The following RUNX2 variants were observed in gnomAD, a reference collection of about 807,000 sequenced individuals.
The protein encoded by RUNX2 is runt-related transcription factor 2.
A neutral mutation model predicts 51.7 loss-of-function variants in RUNX2; 10 were observed. The observed-to-expected ratio is 0.19, with a 90% CI of 0.12 to 0.33. The LOEUF (loss-of-function observed/expected upper bound fraction) is 0.33, where lower values mean the gene tolerates loss of function less well. RUNX2 is among the 10% of genes least tolerant of loss of function. The probability of loss-of-function intolerance (pLI) is 1.00; values close to 1 mark genes in which losing one functional copy is unlikely to be tolerated. For missense variants in RUNX2, 562 were observed against 691.3 expected (o/e 0.81, Z 2.10); for synonymous variants, 276 against 273.6 (o/e 1.01, Z -0.09).
chr6:45,537,200 T>A (rs187431296), intron 7 of RUNX2, among the ~76,000 whole-genome samples: 186 of 152,310 alleles, frequency 1.2e-3, no homozygotes, highest in African/African-American at 4.4e-3. Context: ...ATTCTGGGGC[T>A]GGGTCAAGCA....
chr6:45,466,099 A>G (rs1799622740), intron 5 of RUNX2, among the ~76,000 whole-genome samples: 3 of 152,058 alleles, frequency 2.0e-5, no homozygotes, highest in Admixed American at 1.3e-4. Context: ...GGATCACTTG[A>G]GGCGGGGAGT....
intron 2 of RUNX2, among the ~76,000 whole-genome samples, chr6:45,416,500 C>T (rs931775708): frequency 6.6e-6 from 1 of 152,150 alleles, no homozygotes; most frequent in Admixed American, 6.5e-5. Context: ...TGAATTACTA[C>T]AGGAAATCTT....
At chr6:45,356,831 C>A (rs1793281893) in intron 2 of RUNX2, among the ~76,000 whole-genome samples, 1 of 152,134 alleles carries the variant, frequency 6.6e-6, no homozygotes, top group Non-Finnish European at 1.5e-5. Context: ...TCAAAATCAA[C>A]AAGATTTATT....
At chr6:45,432,964 A>G (rs1197931843) in intron 4 of RUNX2, among the ~76,000 whole-genome samples, 2 of 152,210 alleles carry the variant, frequency 1.3e-5, no homozygotes, top group African/African-American at 4.8e-5. Context: ...CCCAGGTTTG[A>G]ATAGGAAATG....
At chr6:45,541,593 A>T (rs1412237424) in intron 7 of RUNX2, among the ~76,000 whole-genome samples, 1 of 152,250 alleles carries the variant, frequency 6.6e-6, no homozygotes, top group African/African-American at 2.4e-5. Flanking sequence ...CTTTGAAGTT[A>T]ACACCTCATT....
rs1798237331 is a variant in RUNX2 at position 45,422,681 on chromosome 6, ACAG to A, written c.156_158del (p.Gln71del). On this transcript the variant is annotated inframe_deletion, in exon 3 of 9. Coordinates refer to ENST00000647337, the MANE Select transcript of RUNX2 (RefSeq NM_001024630.4). ...ACGTGAGCCCGGTGGTGGCTGCGCA[ACAG>A]CAGCAGCAACAGCAGCAGCAGCAAC... 1 of 1,602,434 alleles carries A rather than the reference ACAG, an allele frequency of 6.2e-7. No homozygotes were observed. The highest frequency in any genetic ancestry group is 8.5e-7 in the Non-Finnish European group (1 of 1,175,266).
At chr6:45,537,052 A>G (rs958189761) in intron 7 of RUNX2, among the ~76,000 whole-genome samples, 8 of 152,118 alleles carry the variant, frequency 5.3e-5, no homozygotes, top group Admixed American at 3.9e-4. Context: ...CCCTTTTAGG[A>G]TGGAAATGTT....
At chr6:45,414,754 C>CTTTTTTTTTTTTTTTTTT (rs34672680) in intron 2 of RUNX2, among the ~76,000 whole-genome samples, 2 of 33,424 alleles carry the variant, frequency 6.0e-5, no homozygotes, top group Non-Finnish European at 1.0e-4. Context: ...CAGATCCTGG[C>CTTTTTTTTTTTTTTTTTT]TTTTTTTTTT....
chr6:45,454,444 T>C (rs1799263623), intron 5 of RUNX2, among the ~76,000 whole-genome samples: 1 of 152,248 alleles, frequency 6.6e-6, no homozygotes. Context: ...TCTAGATAGA[T>C]GCCTTTGGTT....
At chr6:45,506,067 A>T (rs1018400686) in intron 6 of RUNX2, among the ~76,000 whole-genome samples, 3 of 152,128 alleles carry the variant, frequency 2.0e-5, no homozygotes, top group African/African-American at 7.2e-5. Flanking sequence ...GGAAACCATG[A>T]TTGCTTCTGA....
chr6:45,362,080 C>A (rs1386993446), intron 2 of RUNX2, among the ~76,000 whole-genome samples: 1 of 152,078 alleles, frequency 6.6e-6, no homozygotes, highest in South Asian at 2.1e-4. Context: ...AACAACAACA[C>A]AACTTCTGTT....
At chr6:45,472,812 G>A (rs1015208164) in intron 5 of RUNX2, among the ~76,000 whole-genome samples, 3 of 152,224 alleles carry the variant, frequency 2.0e-5, no homozygotes. Flanking sequence ...TTGATTCAAA[G>A]AGAGGTGGGT....
intron 2 of RUNX2, among the ~76,000 whole-genome samples, chr6:45,415,474 G>A (rs1238461667): frequency 1.3e-5 from 2 of 152,090 alleles, no homozygotes; most frequent in African/African-American, 2.4e-5. Context: ...GGGGAAGGCT[G>A]TTCACACGGA....
intron 2 of RUNX2, chr6:45,365,305 A>C (rs754084397): frequency 6.3e-7 from 1 of 1,597,226 alleles, no homozygotes; most frequent in Non-Finnish European, 8.6e-7. Flanking sequence ...TATTCATCTA[A>C]ATAAAAAGGA....
chr6:45,433,145 T>TA (rs1237177391), intron 4 of RUNX2, among the ~76,000 whole-genome samples: 2 of 151,916 alleles, frequency 1.3e-5, no homozygotes, highest in South Asian at 2.1e-4. Flanking sequence ...CTTTTTAACT[T>TA]AAAAAAAATG....
At chr6:45,448,265 T>C (rs145210996) in intron 5 of RUNX2, among the ~76,000 whole-genome samples, 1 of 152,290 alleles carries the variant, frequency 6.6e-6, no homozygotes, top group East Asian at 1.9e-4. Context: ...CAAATTTATG[T>C]TAAAGAACTC....
At chr6:45,330,580 T>C (rs1338826913) in intron 2 of RUNX2, among the ~76,000 whole-genome samples, 2 of 152,068 alleles carry the variant, frequency 1.3e-5, no homozygotes, top group African/African-American at 4.8e-5. Context: ...ATGAAGAATA[T>C]GTTAAAATTC....
intron 5 of RUNX2, among the ~76,000 whole-genome samples, chr6:45,455,822 G>A (rs1459485759): frequency 1.3e-5 from 2 of 152,150 alleles, no homozygotes; most frequent in African/African-American, 4.8e-5. Flanking sequence ...CACAAGAAAT[G>A]AATATTCTCA....
intron 2 of RUNX2, among the ~76,000 whole-genome samples, chr6:45,368,325 T>C (rs1309663401): frequency 6.6e-6 from 1 of 152,180 alleles, no homozygotes; most frequent in African/African-American, 2.4e-5. Context: ...ATAGCTAATA[T>C]TATAACACAC....
Sources: allele counts gnomAD v4.1 joint callset (sites outside exome capture counted in the v4.1 genomes callset), GRCh38; gene constraint gnomAD v4.1.1; transcripts MANE v1.5; gene names NCBI Gene and HGNC (gene_info 2026-07-23, HGNC 2026-07-21).